TTLL5: variants seen among roughly 807,000 people sequenced by gnomAD.
TTLL5 encodes the protein tubulin tyrosine ligase like 5.
TTLL5 carries 132 observed loss-of-function variants against 168.4 expected under a neutral mutation model. That is an observed-to-expected ratio of 0.78 (90% CI 0.68 to 0.91). TTLL5 has a LOEUF of 0.91. Among genes scored for constraint, TTLL5 ranks in the 40% least tolerant of loss-of-function variants. The pLI is 0.00. For missense variants in TTLL5, 1,545 were observed against 1,581.5 expected, an observed-to-expected ratio of 0.98 and a Z score of 0.39; for synonymous variants, 546 against 558.6, an observed-to-expected ratio of 0.98 and a Z score of 0.32.
Position 75,707,642 on chromosome 14 carries a change from C to A in TTLL5, c.675C>A (p.Arg225=), listed in dbSNP as rs773581420. The change falls in exon 9 of 32, where the codon CGC becomes CGA. Residue 225 remains arginine (R), a synonymous_variant. Transcript: ENST00000298832. ...TTTTAGATTTCAAGTTTGACGTGCGCCTCTATGTGCTCGTGACTTCCTATG... is the reference window on the plus strand; with the variant it reads ...TTTTAGATTTCAAGTTTGACGTGCGACTCTATGTGCTCGTGACTTCCTATG... ...LLIDDFKFDV[R]LYVLVTSYDP... 18 of 1,612,088 alleles carry A rather than the reference C, an allele frequency of 1.1e-5. No individual in the cohort carries two copies. The highest frequency in any genetic ancestry group is 1.7e-5 in the Admixed American group (1 of 59,884).
intron 2 of TTLL5, among the ~76,000 whole-genome samples, chr14:75,664,056 C>G (rs1188380707): frequency 6.6e-6 from 1 of 151,234 alleles, no homozygotes; most frequent in Non-Finnish European, 1.5e-5. Flanking sequence ...TGCACTCCAG[C>G]CCGGGCAACA....
chr14:75,886,861 A>G, intron 30 of TTLL5: 3 of 1,509,898 alleles, frequency 2.0e-6, no homozygotes, highest in Non-Finnish European at 2.6e-6. Flanking sequence ...AAATATGGAG[A>G]AAGAAACCTG....
intron 31 of TTLL5, among the ~76,000 whole-genome samples, chr14:75,910,710 T>G (rs900790078): frequency 6.6e-6 from 1 of 152,168 alleles, no homozygotes; most frequent in African/African-American, 2.4e-5. Flanking sequence ...TCCCAAAAAG[T>G]GTAGGTAGAT....
intron 28 of TTLL5, among the ~76,000 whole-genome samples, chr14:75,850,348 G>T (rs928386521): frequency 6.9e-6 from 1 of 145,346 alleles, no homozygotes; most frequent in African/African-American, 2.5e-5. Context: ...AGAGGTTGCA[G>T]TGAGCCAAGA....
At chr14:75,908,681 T>G (rs1218807428) in intron 31 of TTLL5, among the ~76,000 whole-genome samples, 1 of 152,202 alleles carries the variant, frequency 6.6e-6, no homozygotes, top group Non-Finnish European at 1.5e-5. Context: ...AAGTGTCATA[T>G]TTAAATACCT....
At chr14:75,951,746 A>G (rs1402447584) in intron 31 of TTLL5, among the ~76,000 whole-genome samples, 1 of 152,238 alleles carries the variant, frequency 6.6e-6, no homozygotes, top group Non-Finnish European at 1.5e-5. Context: ...CCTCGGCGAC[A>G]GAGCGAAACC....
intron 29 of TTLL5, among the ~76,000 whole-genome samples, chr14:75,865,477 G>A (rs1039255418): frequency 6.6e-6 from 1 of 151,820 alleles, no homozygotes; most frequent in African/African-American, 2.4e-5. Flanking sequence ...CCCGCAACAC[G>A]CCATTTACCT....
intron 29 of TTLL5, among the ~76,000 whole-genome samples, chr14:75,866,377 TAA>T (rs1174134402): frequency 6.6e-6 from 1 of 152,218 alleles, no homozygotes; most frequent in East Asian, 1.9e-4. Context: ...TTCATTTCTC[TAA>T]AGTGTAGGGA....
chr14:75,756,839 TTGAA>T (rs995432566), intron 18 of TTLL5, among the ~76,000 whole-genome samples: 1 of 151,920 alleles, frequency 6.6e-6, no homozygotes, highest in African/African-American at 2.4e-5. Flanking sequence ...TGAAAGGAAA[TTGAA>T]TGAGAGTGTT....
At chr14:75,910,538 A>G (rs2033333332) in intron 31 of TTLL5, among the ~76,000 whole-genome samples, 1 of 152,184 alleles carries the variant, frequency 6.6e-6, no homozygotes, top group South Asian at 2.1e-4. Flanking sequence ...ATAGCCACAT[A>G]CCTTTGCTTT....
At chr14:75,892,002 A>G (rs1355975028) in intron 30 of TTLL5, among the ~76,000 whole-genome samples, 1 of 152,218 alleles carries the variant, frequency 6.6e-6, no homozygotes, top group African/African-American at 2.4e-5. Flanking sequence ...AAAAGAAATC[A>G]CATTTGTTTT....
chr14:75,817,811 C>CTTTCT (rs1566617067), intron 27 of TTLL5, among the ~76,000 whole-genome samples: 19 of 123,260 alleles, frequency 1.5e-4, no homozygotes, highest in African/African-American at 2.4e-4. Flanking sequence ...CACAACCATT[C>CTTTCT]TTTCTTTTCT....
intron 18 of TTLL5, among the ~76,000 whole-genome samples, chr14:75,758,538 C>T (rs1890425308): frequency 6.6e-6 from 1 of 152,064 alleles, no homozygotes; most frequent in African/African-American, 2.4e-5. Context: ...AAATGAAGAG[C>T]ACTGAGTTCT....
chr14:75,825,293 C>G (rs1255555392), intron 28 of TTLL5, among the ~76,000 whole-genome samples: 2 of 152,174 alleles, frequency 1.3e-5, no homozygotes, highest in African/African-American at 2.4e-5. Flanking sequence ...TAGTTTACAT[C>G]ACTCTGGCCA....
At chr14:75,782,361 G>A in intron 24 of TTLL5, 126 bp from the exon 25 acceptor site, 1 of 670,970 alleles carries the variant, frequency 1.5e-6, no homozygotes, top group South Asian at 2.6e-5. Context: ...AAAGTGTGAT[G>A]AGACGTGCCA....
In TTLL5 at chr14:75,696,868, A is replaced by G. The variant is rs576991040; in HGVS notation, c.503-2320A>G. ...CTTTGTTTTTTTCATTTAACAGGCT[A>G]TCTTCAAGATCATTCCATATCAGTT... On this transcript the variant is annotated intron_variant, in intron 6 of 31. Coordinates refer to ENST00000298832, the MANE Select transcript of TTLL5 (RefSeq NM_015072.5). Among the ~76,000 whole-genome samples the G allele has an allele frequency of 7.9e-5, 12 of 152,296 alleles. No homozygotes were observed. The South Asian group carries it at 2.1e-3, about 26-fold the overall frequency.
At chr14:75,804,476 A>G (rs1031279697) in intron 27 of TTLL5, among the ~76,000 whole-genome samples, 4 of 152,236 alleles carry the variant, frequency 2.6e-5, no homozygotes, top group African/African-American at 9.6e-5. Flanking sequence ...ATTGAGGCAG[A>G]TGGCGCCCAG....
rs3138589 is a variant in TTLL5, at chr14:75,869,013, A to AGTGTGTGTGTGTGTGTGTGT, written c.3522+5182_3522+5201dup. Among the ~76,000 whole-genome samples, 97 of 124,510 alleles carry AGTGTGTGTGTGTGTGTGTGT rather than the reference A, an allele frequency of 7.8e-4. 1 individual carries two copies. The highest frequency in any genetic ancestry group is 2.4e-3 in the African/African-American group (77 of 32,724). 81.7% of individuals were successfully genotyped at this position (124,510 alleles called of 152,430 possible). A position where few individuals can be genotyped will look rare whatever the true frequency, so the allele number is the denominator to read the frequency against. On this transcript the variant is annotated intron_variant, in intron 29 of 31. Coordinates refer to ENST00000298832, the MANE Select transcript of TTLL5 (RefSeq NM_015072.5). Reference sequence around the variant, plus strand: ...TGGACTGGGGACATGAGAGGGGAGGAGTGTGTGTGTGTGTGTGTGTGTGTG... The same window carrying AGTGTGTGTGTGTGTGTGTGT: ...TGGACTGGGGACATGAGAGGGGAGGAGTGTGTGTGTGTGTGTGTGTGTGTGTGTGTGTGTGTGTGTGTGTG...
chr14:75,846,677 C>G (rs2360037), intron 28 of TTLL5, among the ~76,000 whole-genome samples: 1 of 151,544 alleles, frequency 6.6e-6, no homozygotes, highest in South Asian at 2.1e-4. Flanking sequence ...GTAATCCCAG[C>G]TACAAGGGAG....
Sources: allele counts gnomAD v4.1 joint callset (sites outside exome capture counted in the v4.1 genomes callset), GRCh38; gene constraint gnomAD v4.1.1; transcripts MANE v1.5; gene names NCBI Gene and HGNC (gene_info 2026-07-23, HGNC 2026-07-21).